The following IZUMO1 variants were observed in gnomAD, a reference collection of about 807,000 sequenced individuals.
IZUMO1 encodes the protein izumo sperm-egg fusion protein 1.
IZUMO1 carries 44 observed loss-of-function variants against 40.7 expected under a neutral mutation model. The ratio of observed to expected loss-of-function variants is 1.08; its 90% CI spans 0.85 to 1.39. The LOEUF (loss-of-function observed/expected upper bound fraction) is 1.39, where lower values mean the gene tolerates loss of function less well. Ranked by LOEUF, IZUMO1 falls within the 40% of genes most tolerant of loss-of-function variation. The pLI is 0.00. For missense variants in IZUMO1, 368 were observed against 436.9 expected, an observed-to-expected ratio of 0.84 and a Z score of 1.41; for synonymous variants, 149 against 170.9, an observed-to-expected ratio of 0.87 and a Z score of 1.00.
chr19:48,746,836 C>G lies in IZUMO1; in HGVS notation c.-475G>C. ...GGGTCTGAGTCACGGACGATCCCCT[C>G]TCCACAAGGAACTCCTGAAACCACC... On this transcript the variant is annotated 5_prime_UTR_variant, in exon 1 of 10. Coordinates refer to ENST00000332955, the MANE Select transcript of IZUMO1 (RefSeq NM_182575.3). The G allele has an allele frequency of 2.0e-6, 2 of 985,448 alleles. No individual in the cohort carries two copies. Among genetic ancestry groups the G allele is most frequent in the Non-Finnish European group, 2.4e-6 (2 of 829,934 alleles). 61.0% of individuals were successfully genotyped at this position (985,448 alleles called of 1,614,324 possible).
rs754148130 is a variant in IZUMO1, at chr19:48,745,740, GTAATCTTTCTC to G, written c.109_119del (p.Glu37ProfsTer30). 6.2e-7 allele frequency: 1 copy of G among 1,614,174 alleles called. No homozygotes were observed. On this transcript the variant is annotated frameshift_variant, in exon 2 of 10. Transcript: ENST00000332955. LOFTEE classifies it high-confidence loss of function. Reference sequence around the variant, plus strand: ...GCTTCGCATCCAGGTGGCCAGGCAGGTAATCTTTCTCCAGGGACTTTAGCGCCAGCACGACA... The same window carrying G: ...GCTTCGCATCCAGGTGGCCAGGCAGGCAGGGACTTTAGCGCCAGCACGACA...
chr19:48,744,379 T>A (rs1437201347), intron 4 of IZUMO1, 74 bp downstream of exon 4: 1 of 1,309,620 alleles, frequency 7.6e-7, no homozygotes, highest in African/African-American at 1.5e-5. Context: ...CTTGGAGAAG[T>A]AAGGGGCTGG....
At position 48,744,946 on chromosome 19, in the gene IZUMO1, C is replaced by T. The variant is rs545739423; in HGVS notation, c.310+268G>A. 1.3e-3 allele frequency among the ~76,000 whole-genome samples: 195 copies of T among 152,304 alleles called. 1 individual carries two copies. Among genetic ancestry groups the T allele is most frequent in the African/African-American group, 4.1e-3 (172 of 41,562 alleles). ...TACTGAGCTCAAGTAATCTGCCTGC[C>T]TCAGCCTTCCAAAGTGCCAGGATTA... On this transcript the variant is annotated intron_variant, in intron 3 of 9. Transcript: ENST00000332955.
intron 5 of IZUMO1, chr19:48,743,868 G>A: frequency 2.1e-6 from 1 of 472,268 alleles, no homozygotes; most frequent in Non-Finnish European, 3.8e-6. Context: ...GCGGGCACCT[G>A]TAATCCCAGC....
Position 48,743,722 on chromosome 19 carries a change from G to T in IZUMO1, c.419-197C>A. The stretch of plus-strand genomic sequence containing the variant: ...AGATTGTAAGTAGAGGCCGGATGCG[G>T]TGGCTTACTCCTGTAATCCCAGCAC... On this transcript the variant is annotated intron_variant, in intron 5 of 9. Transcript: ENST00000332955. The T allele has an allele frequency of 1.2e-5, 7 of 598,498 alleles. No homozygotes were observed. The South Asian group carries it at 1.4e-4, about 12-fold the overall frequency. The allele number at this position is 598,498 out of a possible 1,614,324, so 37.1% of individuals were successfully genotyped here.
chr19:48,741,710 C>T lies in IZUMO1; in HGVS notation c.754+79G>A. 1 of 1,472,768 alleles carries T rather than the reference C, an allele frequency of 6.8e-7. No individual in the cohort carries two copies. The highest frequency in any genetic ancestry group is 9.0e-7 in the Non-Finnish European group (1 of 1,105,092). 91.2% of individuals were successfully genotyped at this position (1,472,768 alleles called of 1,614,324 possible). On this transcript the variant is annotated intron_variant, in intron 8 of 9. Transcript: ENST00000332955. This position sits in a 1 kb window ranked among gnomAD's most constrained non-coding sequence, Gnocchi z 4.4. ...CCAACAGGAAGTCACGCCCCCATCG[C>T]CAAGGCCACGCCCCCGCCGCGGACC...
chr19:48,745,802 C>T lies in IZUMO1; in HGVS notation c.58G>A (p.Glu20Lys), dbSNP rs766368253. ...AALAGCLLPA[E>K]GCVICDPSVV... ...GACGGGTCACATATAACACACCCCTCGGCAGGAAGCAAGCAACCGGCCAGC... is the reference window on the plus strand; with the variant it reads ...GACGGGTCACATATAACACACCCCTTGGCAGGAAGCAAGCAACCGGCCAGC... The change falls in exon 2 of 10, where the codon GAG becomes AAG. Residue 20 changes from glutamate (E) to lysine (K), a missense_variant. Transcript: ENST00000332955. 3 of 1,614,088 alleles carry T rather than the reference C, an allele frequency of 1.9e-6. No homozygotes were observed. Among genetic ancestry groups the T allele is most frequent in the South Asian group, 1.1e-5 (1 of 91,082 alleles).
chr19:48,742,058 G>T, intron 7 of IZUMO1, 116 bp from the exon 8 acceptor site: 2 of 1,524,648 alleles, frequency 1.3e-6, no homozygotes, highest in Non-Finnish European at 1.8e-6. Flanking sequence ...GGTGTCACTG[G>T]TCAGGGCACG....
chr19:48,742,092 C>T (rs2033719800), intron 7 of IZUMO1, 117 bp downstream of exon 7: 1 of 1,489,174 alleles, frequency 6.7e-7, no homozygotes, highest in South Asian at 1.2e-5. Flanking sequence ...TCTGTAGAGA[C>T]CACACCTAAT....
In IZUMO1 at chr19:48,745,653, A is replaced by G. The variant is rs1455257989; in HGVS notation, c.207T>C (p.Leu69=). ...NAVKDFQELS[L]NEDAYMGVVD... Reference sequence around the variant, plus strand: ...CGACCCCCATATAGGCATCCTCATTAAGCGACAGTTCCTGGAAATCCTTCA... The same window carrying G: ...CGACCCCCATATAGGCATCCTCATTGAGCGACAGTTCCTGGAAATCCTTCA... Residue 69 remains leucine (L), a synonymous_variant, in exon 2 of 10, where the codon CTT becomes CTC. Transcript: ENST00000332955. 1 of 1,614,118 alleles carries G rather than the reference A, an allele frequency of 6.2e-7. No homozygotes were observed.
chr19:48,745,392 TG>T, intron 2 of IZUMO1, 104 bp from the exon 3 acceptor site: 1 of 1,151,664 alleles, frequency 8.7e-7, no homozygotes, highest in Non-Finnish European at 1.3e-6. Context: ...AAGATAGGCC[TG>T]GTTAAGGACT....
intron 1 of IZUMO1, 129 bp from the exon 2 acceptor site, chr19:48,746,061 A>G: frequency 7.1e-7 from 1 of 1,415,084 alleles, no homozygotes; most frequent in Non-Finnish European, 9.2e-7. Context: ...CCTTCATCAA[A>G]TGCCTCCGAA....
chr19:48,746,757 T>C lies in IZUMO1; in HGVS notation c.-396A>G. 2 of 985,214 alleles carry C rather than the reference T, an allele frequency of 2.0e-6. No homozygotes were observed. Among genetic ancestry groups the C allele is most frequent in the Non-Finnish European group, 2.4e-6 (2 of 829,872 alleles). 61.0% of individuals were successfully genotyped at this position (985,214 alleles called of 1,614,324 possible). On this transcript the variant is annotated 5_prime_UTR_variant, in exon 1 of 10. Coordinates refer to ENST00000332955, the MANE Select transcript of IZUMO1 (RefSeq NM_182575.3). ...ATTTTCCCAGGGGTAAAATCAAGGA[T>C]TGTGTTGGGGACGAGGGTAAGGTTG...
At chr19:48,746,133 C>G in intron 1 of IZUMO1, 1 of 1,313,110 alleles carries the variant, frequency 7.6e-7, no homozygotes, top group East Asian at 3.2e-5. Flanking sequence ...AATCCCCCAA[C>G]TGAGAGATCA....
intron 6 of IZUMO1, chr19:48,743,031 CT>C (rs936670322): frequency 6.2e-6 from 1 of 162,136 alleles, no homozygotes; most frequent in Non-Finnish European, 1.3e-5. Flanking sequence ...CGCCCGGCCT[CT>C]TTTTTTTCTT....
intron 1 of IZUMO1, chr19:48,746,216 C>T: frequency 9.2e-7 from 1 of 1,081,838 alleles, no homozygotes; most frequent in Non-Finnish European, 1.1e-6. Flanking sequence ...CCCATGCGCC[C>T]CTTCCCAAAA....
At chr19:48,744,130 A>G in intron 5 of IZUMO1, 45 bp downstream of exon 5, 5 of 1,585,688 alleles carry the variant, frequency 3.2e-6, no homozygotes, top group Non-Finnish European at 4.3e-6. Flanking sequence ...GAGGTTGACT[A>G]TTCAGAGGGC....
chr19:48,745,547 T>C, intron 2 of IZUMO1, 78 bp downstream of exon 2: 10 of 1,546,136 alleles, frequency 6.5e-6, no homozygotes, highest in Non-Finnish European at 8.9e-6. Context: ...GAGACCCTGC[T>C]GTCAGCCTCT....
chr19:48,741,179 C>T lies in IZUMO1; in HGVS notation c.932+122G>A. On this transcript the variant is annotated intron_variant, in intron 9 of 9. Transcript: ENST00000332955. The surrounding 1 kb of genome is among the most constrained non-coding windows in gnomAD (Gnocchi z 4.4). ...TCCTCCTATTCAAGCCCCCCGCACTCCATCCCCAGGAAAGTCCTGCTCTCA... is the reference window on the plus strand; with the variant it reads ...TCCTCCTATTCAAGCCCCCCGCACTTCATCCCCAGGAAAGTCCTGCTCTCA... 7.0e-7 allele frequency: 1 copy of T among 1,436,482 alleles called. No homozygotes were observed. Among genetic ancestry groups the T allele is most frequent in the Non-Finnish European group, 9.3e-7 (1 of 1,070,598 alleles). 89.0% of individuals were successfully genotyped at this position (1,436,482 alleles called of 1,614,324 possible).
Sources: allele counts gnomAD v4.1 joint callset (sites outside exome capture counted in the v4.1 genomes callset), GRCh38; gene constraint gnomAD v4.1.1; non-coding constraint Gnocchi (gnomAD v3.1); transcripts MANE v1.5; gene names NCBI Gene and HGNC (gene_info 2026-07-23, HGNC 2026-07-21).